The following XKR4 variants were observed in gnomAD, a reference collection of about 807,000 sequenced individuals.
XKR4 encodes the protein XK related 4, also known as XK-related protein 4.
Under a neutral mutation model 53.9 loss-of-function variants are expected in XKR4, and 12 were observed. The ratio of observed to expected loss-of-function variants is 0.22; its 90% CI spans 0.14 to 0.36. The LOEUF (loss-of-function observed/expected upper bound fraction) is 0.36, where lower values mean the gene tolerates loss of function less well. XKR4 is among the 10% of genes least tolerant of loss of function. XKR4 has a pLI of 1.00. For synonymous variants in XKR4, 354 were observed against 362.4 expected (o/e 0.98, Z 0.26); for missense variants, 799 against 859.5 (o/e 0.93, Z 0.88).
chr8:55,247,855 C>CTTTCTTTCTTTCTTTCTTTT (rs369983175), intron 1 of XKR4, among the ~76,000 whole-genome samples: 2 of 59,856 alleles, frequency 3.3e-5, no homozygotes, highest in African/African-American at 8.9e-5. Flanking sequence ...TTCTTTCTTT[C>CTTTCTTTCTTTCTTTCTTTT]TTTTTTTTTT....
chr8:55,159,115 G>T (rs1042011960), intron 1 of XKR4, among the ~76,000 whole-genome samples: 6 of 152,196 alleles, frequency 3.9e-5, no homozygotes, highest in African/African-American at 1.2e-4. Flanking sequence ...CATGAGTATG[G>T]CATGTTTTCC....
chr8:55,302,586 C>G (rs563613267), intron 1 of XKR4, among the ~76,000 whole-genome samples: 186 of 152,190 alleles, frequency 1.2e-3, no homozygotes, highest in Middle Eastern at 6.8e-3. Flanking sequence ...TTACCTTGGG[C>G]AGTATGGCCA....
chr8:55,157,837 C>T (rs1312792670), intron 1 of XKR4, among the ~76,000 whole-genome samples: 1 of 151,996 alleles, frequency 6.6e-6, no homozygotes, highest in Non-Finnish European at 1.5e-5. Context: ...ATCCATGTTG[C>T]TGCAAAGGAC....
chr8:55,298,043 A>AT (rs1819125155), intron 1 of XKR4, among the ~76,000 whole-genome samples: 1 of 152,144 alleles, frequency 6.6e-6, no homozygotes, highest in Non-Finnish European at 1.5e-5. Flanking sequence ...TTTACAGTCG[A>AT]TTTTTCTGGC....
At chr8:55,256,699 G>A (rs1159173353) in intron 1 of XKR4, among the ~76,000 whole-genome samples, 2 of 152,184 alleles carry the variant, frequency 1.3e-5, no homozygotes, top group Admixed American at 1.3e-4. Context: ...TAAAGGTGGT[G>A]GAGCTGAAAC....
chr8:55,457,582 C>T (rs901308172), intron 2 of XKR4, among the ~76,000 whole-genome samples: 4 of 152,172 alleles, frequency 2.6e-5, no homozygotes, highest in Admixed American at 6.5e-5. Flanking sequence ...CTAGAAGCAG[C>T]ACTAAAGGAA....
chr8:55,307,246 C>T (rs1250367768), intron 1 of XKR4, among the ~76,000 whole-genome samples: 1 of 152,144 alleles, frequency 6.6e-6, no homozygotes, highest in East Asian at 1.9e-4. Flanking sequence ...AGATACCCAA[C>T]AAAGGACTAG....
At chr8:55,148,399 T>C (rs1272455012) in intron 1 of XKR4, among the ~76,000 whole-genome samples, 1 of 151,782 alleles carries the variant, frequency 6.6e-6, no homozygotes, top group Non-Finnish European at 1.5e-5. Context: ...AGGAAGACCC[T>C]GTCTAAAAAA....
At chr8:55,462,214 C>G (rs1805669862) in intron 2 of XKR4, among the ~76,000 whole-genome samples, 1 of 152,182 alleles carries the variant, frequency 6.6e-6, no homozygotes, top group South Asian at 2.1e-4. Context: ...ATGTTAAGGG[C>G]AGCCAGAGAG....
chr8:55,381,614 A>G (rs1231623724), intron 2 of XKR4, among the ~76,000 whole-genome samples: 3 of 152,138 alleles, frequency 2.0e-5, no homozygotes, highest in East Asian at 1.9e-4. Context: ...TTTTTGTTCT[A>G]TCTGGACCCC....
chr8:55,206,261 C>T (rs766060296), intron 1 of XKR4, among the ~76,000 whole-genome samples: 5 of 152,202 alleles, frequency 3.3e-5, no homozygotes, highest in East Asian at 1.9e-4. Context: ...GCCCCACCCA[C>T]GTCCTGCTGA....
intron 2 of XKR4, among the ~76,000 whole-genome samples, chr8:55,466,406 G>GCATA (rs1805769641): frequency 6.6e-6 from 1 of 151,874 alleles, no homozygotes; most frequent in African/African-American, 2.4e-5. Context: ...AACACCTCGT[G>GCATA]TTCTCACTCA....
At chr8:55,516,212 A>G (rs1369935371) in intron 2 of XKR4, among the ~76,000 whole-genome samples, 2 of 152,210 alleles carry the variant, frequency 1.3e-5, no homozygotes, top group East Asian at 3.8e-4. Flanking sequence ...TGAGCCTCAT[A>G]TGCACTAAAG....
At chr8:55,142,970 C>A (rs1816726438) in intron 1 of XKR4, among the ~76,000 whole-genome samples, 1 of 152,132 alleles carries the variant, frequency 6.6e-6, no homozygotes, top group Non-Finnish European at 1.5e-5. Context: ...GCTTCTAATA[C>A]TCTGAATTCA....
intron 2 of XKR4, chr8:55,454,911 A>G: frequency 2.6e-6 from 2 of 770,604 alleles, no homozygotes; most frequent in South Asian, 1.4e-5. Context: ...CAAGCAGCAC[A>G]GTAGTGGCGC....
intron 1 of XKR4, among the ~76,000 whole-genome samples, chr8:55,268,120 A>G (rs768844873): frequency 6.6e-6 from 1 of 152,156 alleles, no homozygotes; most frequent in Non-Finnish European, 1.5e-5. Context: ...ATGAAAAGAC[A>G]TTGTCGGAAC....
intron 1 of XKR4, among the ~76,000 whole-genome samples, chr8:55,122,606 T>TTTTGGAATCTG (rs1410931897): frequency 6.6e-6 from 1 of 152,198 alleles, no homozygotes; most frequent in African/African-American, 2.4e-5. Flanking sequence ...TGTCTTTCTG[T>TTTTGGAATCTG]TTTTGGAATT....
At chr8:55,386,029 A>G (rs533356944) in intron 2 of XKR4, among the ~76,000 whole-genome samples, 55 of 152,344 alleles carry the variant, frequency 3.6e-4, no homozygotes, top group African/African-American at 1.3e-3. Context: ...ATGAGTCTGA[A>G]GGCAGAAGAC....
intron 1 of XKR4, among the ~76,000 whole-genome samples, chr8:55,292,502 TG>T (rs1187639687): frequency 6.6e-6 from 1 of 152,172 alleles, no homozygotes; most frequent in Non-Finnish European, 1.5e-5. Context: ...TCATGTCACC[TG>T]TTTCATTCTG....
Sources: allele counts gnomAD v4.1 joint callset (sites outside exome capture counted in the v4.1 genomes callset), GRCh38; gene constraint gnomAD v4.1.1; transcripts MANE v1.5; gene names NCBI Gene and HGNC (gene_info 2026-07-23, HGNC 2026-07-21).